The following BRINP1 variants were observed in gnomAD, a reference collection of about 807,000 sequenced individuals.
BRINP1 encodes the protein BMP/retinoic acid-inducible neural-specific protein 1.
A neutral mutation model predicts 72.9 loss-of-function variants in BRINP1; 17 were observed. The ratio of observed to expected loss-of-function variants is 0.23; its 90% confidence interval spans 0.16 to 0.35. The LOEUF (loss-of-function observed/expected upper bound fraction) is 0.35, where lower values mean the gene tolerates loss of function less well. Ranked by LOEUF, BRINP1 falls within the 10% of genes least tolerant of loss-of-function variation. BRINP1 has a pLI of 1.00. For synonymous variants in BRINP1, 418 were observed against 378.5 expected, an observed-to-expected ratio of 1.10 and a Z score of -1.21; for missense variants, 850 against 1,001.6, an observed-to-expected ratio of 0.85 and a Z score of 2.04.
chr9:119,344,359 C>T (rs1173809613), intron 1 of BRINP1, among the ~76,000 whole-genome samples: 2 of 152,178 alleles, frequency 1.3e-5, no homozygotes, highest in Non-Finnish European at 2.9e-5. Flanking sequence ...GTCTAGCACT[C>T]TCATGCTATA....
chr9:119,347,141 C>T (rs756853400), intron 1 of BRINP1, among the ~76,000 whole-genome samples: 7 of 152,164 alleles, frequency 4.6e-5, no homozygotes, highest in African/African-American at 1.2e-4. Context: ...AGAGTGACTC[C>T]GTTTTTACAG....
At chr9:119,315,521 C>G (rs1451387022) in intron 1 of BRINP1, among the ~76,000 whole-genome samples, 1 of 152,060 alleles carries the variant, frequency 6.6e-6, no homozygotes, top group Non-Finnish European at 1.5e-5. Context: ...CCTGCCTACT[C>G]CCCGAGAAAT....
At chr9:119,314,221 T>C (rs1831101731) in intron 1 of BRINP1, among the ~76,000 whole-genome samples, 1 of 152,128 alleles carries the variant, frequency 6.6e-6, no homozygotes. Flanking sequence ...GCTTCTTTTA[T>C]TAGGGGGTCT....
At chr9:119,184,858 C>T (rs1405986084) in intron 7 of BRINP1, among the ~76,000 whole-genome samples, 1 of 152,150 alleles carries the variant, frequency 6.6e-6, no homozygotes, top group Non-Finnish European at 1.5e-5. Context: ...GTTAATCTTC[C>T]TCCTAGCCTT....
intron 1 of BRINP1, among the ~76,000 whole-genome samples, chr9:119,340,253 G>T (rs1315430838): frequency 1.3e-5 from 2 of 152,232 alleles, no homozygotes; most frequent in African/African-American, 4.8e-5. Flanking sequence ...TAGTTAAAAT[G>T]AGTGAAGGAA....
intron 1 of BRINP1, among the ~76,000 whole-genome samples, chr9:119,331,419 A>G (rs1377829773): frequency 6.6e-6 from 1 of 152,214 alleles, no homozygotes; most frequent in Non-Finnish European, 1.5e-5. Flanking sequence ...CTTGCCTTAA[A>G]ACAATTTCAG....
chr9:119,211,966 T>C (rs1348512309), intron 6 of BRINP1, among the ~76,000 whole-genome samples: 1 of 152,232 alleles, frequency 6.6e-6, no homozygotes, highest in Non-Finnish European at 1.5e-5. Flanking sequence ...TCTTACTCCT[T>C]GTGCATATAG....
At chr9:119,307,715 C>T (rs1427796570) in intron 2 of BRINP1, among the ~76,000 whole-genome samples, 1 of 152,222 alleles carries the variant, frequency 6.6e-6, no homozygotes, top group Non-Finnish European at 1.5e-5. Context: ...GCAGAGCCCA[C>T]AATTCCCTGA....
intron 2 of BRINP1, among the ~76,000 whole-genome samples, chr9:119,300,261 A>G (rs1055904211): frequency 1.1e-4 from 17 of 152,220 alleles, no homozygotes; most frequent in Non-Finnish European, 2.2e-4. Context: ...CTGATGGCTA[A>G]TGGGTACAAA....
chr9:119,168,689 G>C (rs2118815129), intron 7 of BRINP1, among the ~76,000 whole-genome samples: 1 of 118,368 alleles, frequency 8.4e-6, no homozygotes, highest in Non-Finnish European at 2.0e-5. Context: ...TTCCTCCCAT[G>C]AGGGTGTATA....
intron 2 of BRINP1, among the ~76,000 whole-genome samples, chr9:119,254,588 G>T (rs1406903500): frequency 6.6e-6 from 1 of 152,306 alleles, no homozygotes; most frequent in East Asian, 1.9e-4. Flanking sequence ...AAAAGGCTTT[G>T]TCAGCCTTAG....
At chr9:119,308,878 C>T (rs1484086362) in intron 2 of BRINP1, among the ~76,000 whole-genome samples, 1 of 152,062 alleles carries the variant, frequency 6.6e-6, no homozygotes, top group East Asian at 1.9e-4. Context: ...TTTGCCCTGA[C>T]TCTTCAGATC....
intron 5 of BRINP1, among the ~76,000 whole-genome samples, chr9:119,227,092 G>C (rs1281004205): frequency 6.6e-6 from 1 of 151,986 alleles, no homozygotes; most frequent in East Asian, 1.9e-4. Context: ...ACAAATAATA[G>C]CCGTTATTGT....
At chr9:119,338,879 C>T (rs527860114) in intron 1 of BRINP1, among the ~76,000 whole-genome samples, 3 of 145,960 alleles carry the variant, frequency 2.1e-5, no homozygotes, top group African/African-American at 5.1e-5. Context: ...AGGGAGACTC[C>T]GTCTCAAAAA....
chr9:119,178,191 G>A (rs1015676154), intron 7 of BRINP1, among the ~76,000 whole-genome samples: 3 of 152,290 alleles, frequency 2.0e-5, no homozygotes, highest in African/African-American at 7.2e-5. Flanking sequence ...CTCACTCACA[G>A]ATTTGGGAAA....
At chr9:119,214,185 G>A (rs1428437757) in intron 5 of BRINP1, 30 bp from the exon 6 acceptor site, 4 of 1,535,782 alleles carry the variant, frequency 2.6e-6, no homozygotes, top group African/African-American at 1.4e-5. Context: ...AGGGAAAACA[G>A]AAAGGTTTAA....
intron 6 of BRINP1, among the ~76,000 whole-genome samples, chr9:119,210,434 A>T (rs1829910803): frequency 6.6e-6 from 1 of 152,336 alleles, no homozygotes; most frequent in Non-Finnish European, 1.5e-5. Context: ...ATCACCTAAC[A>T]TATATAACCA....
At chr9:119,280,961 C>T (rs1031136815) in intron 2 of BRINP1, among the ~76,000 whole-genome samples, 19 of 152,110 alleles carry the variant, frequency 1.2e-4, no homozygotes, top group African/African-American at 4.6e-4. Flanking sequence ...TGGGTAAAGC[C>T]ACAGAGGTTT....
intron 4 of BRINP1, among the ~76,000 whole-genome samples, chr9:119,240,208 G>A (rs544191199): frequency 1.3e-5 from 2 of 152,312 alleles, no homozygotes; most frequent in East Asian, 3.9e-4. Flanking sequence ...ACTGGAGGTT[G>A]CAGTGAGCCA....
Sources: allele counts gnomAD v4.1 joint callset (sites outside exome capture counted in the v4.1 genomes callset), GRCh38; gene constraint gnomAD v4.1.1; transcripts MANE v1.5; gene names NCBI Gene and HGNC (gene_info 2026-07-23, HGNC 2026-07-21).